The following SPMIP2 variants were observed in gnomAD, a reference collection of about 807,000 sequenced individuals.
SPMIP2 encodes protein SPMIP2.
the SPMIP2 span, among the ~76,000 whole-genome samples, chr4:158,984,236 T>C: frequency 1.3e-3 from 19 of 14,430 alleles, no homozygotes; most frequent in South Asian, 6.4e-3. Context: ...GACAGAAAGT[T>C]AACAAGGATA....
the SPMIP2 span, among the ~76,000 whole-genome samples, chr4:158,940,524 T>C: frequency 5.3e-5 from 8 of 151,158 alleles, no homozygotes; most frequent in East Asian, 1.4e-3. Context: ...CATCAGGGTT[T>C]CCAAAGTGGT....
At chr4:158,970,387 T>A in the SPMIP2 span, among the ~76,000 whole-genome samples, 3 of 151,796 alleles carry the variant, frequency 2.0e-5, no homozygotes, top group Non-Finnish European at 2.9e-5. Context: ...AAAATTTTTT[T>A]AAATTATCTA....
the SPMIP2 span, among the ~76,000 whole-genome samples, chr4:158,913,208 TTGTTGC>T: frequency 1.3e-5 from 2 of 152,182 alleles, no homozygotes; most frequent in Admixed American, 1.3e-4. Context: ...ATACTTTTTG[TTGTTGC>T]TGTTGTTGTT....
chr4:159,057,704 A>T, the SPMIP2 span, among the ~76,000 whole-genome samples: 1 of 152,266 alleles, frequency 6.6e-6, no homozygotes, highest in East Asian at 1.9e-4. Flanking sequence ...AATATTATAA[A>T]TGTATTAAAA....
chr4:158,912,439 C>T, the SPMIP2 span, among the ~76,000 whole-genome samples: 1 of 152,064 alleles, frequency 6.6e-6, no homozygotes, highest in African/African-American at 2.4e-5. Context: ...TTTAAAATTT[C>T]CCCCAAGTCA....
At chr4:158,911,301 T>C in the SPMIP2 span, among the ~76,000 whole-genome samples, 7 of 151,662 alleles carry the variant, frequency 4.6e-5, no homozygotes, top group African/African-American at 1.2e-4. Flanking sequence ...TGAGCCAAGA[T>C]TGTGCCACTA....
chr4:158,990,241 G>C, the SPMIP2 span, among the ~76,000 whole-genome samples: 6 of 152,228 alleles, frequency 3.9e-5, no homozygotes, highest in Non-Finnish European at 5.9e-5. Context: ...ATGCTGGAGA[G>C]AATGTGTAGA....
At chr4:159,082,449 CTGTGTG>C in the SPMIP2 span, among the ~76,000 whole-genome samples, 54 of 111,662 alleles carry the variant, frequency 4.8e-4, 1 homozygote, top group East Asian at 1.7e-3. Flanking sequence ...CCACTTTTCT[CTGTGTG>C]TGTGTGTGTG....
the SPMIP2 span, among the ~76,000 whole-genome samples, chr4:159,040,440 G>C: frequency 6.6e-6 from 1 of 151,482 alleles, no homozygotes; most frequent in Admixed American, 6.6e-5. Context: ...CAAAGTGCTG[G>C]GATTACAGGT....
the SPMIP2 span, among the ~76,000 whole-genome samples, chr4:159,014,567 T>A: frequency 3.3e-5 from 5 of 152,220 alleles, no homozygotes; most frequent in African/African-American, 1.2e-4. Flanking sequence ...TTGTGCAGGT[T>A]AGTTACATAT....
the SPMIP2 span, among the ~76,000 whole-genome samples, chr4:158,979,582 T>C: frequency 3.3e-5 from 5 of 152,022 alleles, no homozygotes; most frequent in African/African-American, 1.2e-4. Context: ...GGGCAATGGG[T>C]CAGGGAACTC....
the SPMIP2 span, among the ~76,000 whole-genome samples, chr4:158,896,334 C>CGAAA: frequency 6.6e-6 from 1 of 152,208 alleles, no homozygotes; most frequent in South Asian, 2.1e-4. Context: ...ACAGTGCTTT[C>CGAAA]CTTCCTTTAT....
At chr4:158,918,729 C>T in the SPMIP2 span, among the ~76,000 whole-genome samples, 1 of 152,206 alleles carries the variant, frequency 6.6e-6, no homozygotes, top group Non-Finnish European at 1.5e-5. Flanking sequence ...GCCACATCAA[C>T]TGTGGGGATT....
At chr4:158,995,855 CAAAAAAAAA>C in the SPMIP2 span, among the ~76,000 whole-genome samples, 3 of 70,752 alleles carry the variant, frequency 4.2e-5, no homozygotes, top group African/African-American at 5.5e-5. Flanking sequence ...GACTCCATCT[CAAAAAAAAA>C]AAAAAAAAAA....
At chr4:158,938,167 CGAA>C in the SPMIP2 span, among the ~76,000 whole-genome samples, 1 of 152,084 alleles carries the variant, frequency 6.6e-6, no homozygotes, top group Non-Finnish European at 1.5e-5. Flanking sequence ...AATCGCTCCC[CGAA>C]GAAGTATTTA....
the SPMIP2 span, among the ~76,000 whole-genome samples, chr4:158,962,351 T>A: frequency 6.6e-6 from 1 of 152,174 alleles, no homozygotes; most frequent in Non-Finnish European, 1.5e-5. Flanking sequence ...TCTTAGTATA[T>A]CCAATTTTTA....
At chr4:158,971,702 C>G in the SPMIP2 span, among the ~76,000 whole-genome samples, 1 of 152,160 alleles carries the variant, frequency 6.6e-6, no homozygotes, top group African/African-American at 2.4e-5. Context: ...GTTACTGCTT[C>G]TAGTGCTTTA....
chr4:159,030,909 C>T, the SPMIP2 span, among the ~76,000 whole-genome samples: 1 of 152,132 alleles, frequency 6.6e-6, no homozygotes, highest in African/African-American at 2.4e-5. Context: ...TTTTCTCATC[C>T]TCTACATGGT....
At chr4:158,997,752 A>C in the SPMIP2 span, among the ~76,000 whole-genome samples, 1 of 152,058 alleles carries the variant, frequency 6.6e-6, no homozygotes, top group Admixed American at 6.6e-5. Flanking sequence ...TCCTGGGCCC[A>C]AATAATTCCC....
Sources: allele counts gnomAD v4.1 joint callset (sites outside exome capture counted in the v4.1 genomes callset), GRCh38; gene constraint gnomAD v4.1.1; transcripts MANE v1.5; gene names NCBI Gene and HGNC (gene_info 2026-07-23, HGNC 2026-07-21).